PTCHD4: variants seen among roughly 807,000 people sequenced by gnomAD.
PTCHD4 encodes patched domain-containing protein 4.
Under a neutral mutation model 58.1 loss-of-function variants are expected in PTCHD4, and 33 were observed. The ratio of observed to expected loss-of-function variants is 0.57; its 90% CI spans 0.43 to 0.76. The LOEUF (loss-of-function observed/expected upper bound fraction) is 0.76. Ranked by LOEUF, PTCHD4 falls within the 30% of genes least tolerant of loss-of-function variation. The pLI is 0.00. For synonymous variants in PTCHD4, 478 were observed against 409.6 expected, an observed-to-expected ratio of 1.17 and a Z score of -2.02; for missense variants, 1,058 against 1,027.1, an observed-to-expected ratio of 1.03 and a Z score of -0.41.
intron 4 of PTCHD4, among the ~76,000 whole-genome samples, chr6:47,981,754 C>G (rs1267567161): frequency 2.0e-5 from 3 of 152,154 alleles, no homozygotes; most frequent in South Asian, 2.1e-4. Flanking sequence ...GCTTGTTACT[C>G]TATTCTGTGC....
intron 4 of PTCHD4, among the ~76,000 whole-genome samples, chr6:47,934,798 T>A (rs1295281481): frequency 6.6e-6 from 1 of 152,202 alleles, no homozygotes; most frequent in Non-Finnish European, 1.5e-5. Context: ...GAGAAATATT[T>A]GTGAAAATAC....
In PTCHD4 at chr6:48,068,682, C is replaced by G; in HGVS notation, c.6-41G>C. On this transcript the variant is annotated intron_variant, in intron 2 of 4. Coordinates refer to ENST00000339488, the MANE Select transcript of PTCHD4 (RefSeq NM_001384253.1). This position sits in a 1 kb window ranked among gnomAD's most constrained non-coding sequence, Gnocchi z 4.2. ...TGACATGTGTAAGCGCCGGGCTACC[C>G]CGTTCTCCCCCATCCCACCCCCTGG... 1 of 1,501,090 alleles carries G rather than the reference C, an allele frequency of 6.7e-7. No homozygotes were observed. The highest frequency in any genetic ancestry group is 8.9e-7 in the Non-Finnish European group (1 of 1,128,240). The allele number at this position is 1,501,090 out of a possible 1,614,324, so 93.0% of individuals were successfully genotyped here.
intron 1 of PTCHD4, among the ~76,000 whole-genome samples, chr6:48,072,858 A>G (rs1764999800): frequency 6.6e-6 from 1 of 152,144 alleles, no homozygotes. Context: ...TGGGTCTATC[A>G]GTGATTTAAA....
At chr6:48,092,268 G>C (rs966867630) in intron 1 of PTCHD4, among the ~76,000 whole-genome samples, 1 of 152,202 alleles carries the variant, frequency 6.6e-6, no homozygotes, top group Admixed American at 6.5e-5. Flanking sequence ...ATTATCCCTA[G>C]ATGGTGTGGA....
intron 4 of PTCHD4, among the ~76,000 whole-genome samples, chr6:47,977,848 G>T (rs1767751489): frequency 6.6e-6 from 1 of 152,004 alleles, no homozygotes; most frequent in African/African-American, 2.4e-5. Flanking sequence ...AAAGACAAAA[G>T]AAAGTGTAGA....
intron 3 of PTCHD4, among the ~76,000 whole-genome samples, chr6:48,028,817 C>T (rs139363710): frequency 0.011 from 1,699 of 151,986 alleles, 36 homozygotes; most frequent in African/African-American, 0.037. Flanking sequence ...ATAAACTTTC[C>T]AAAAATTAAA....
rs1763402134 is a variant in PTCHD4 at position 47,860,617 on chromosome 6, C to A, written c.*17686G>T. ...ACTGCCCATTCTTCACAATGTCTATCTTCCTTTATGATTTTTTTTCTCTGA... is the reference window on the plus strand; with the variant it reads ...ACTGCCCATTCTTCACAATGTCTATATTCCTTTATGATTTTTTTTCTCTGA... On this transcript the variant is annotated 3_prime_UTR_variant, in exon 5 of 5. Coordinates refer to ENST00000339488, the MANE Select transcript of PTCHD4 (RefSeq NM_001384253.1). Among the ~76,000 whole-genome samples the A allele has an allele frequency of 6.6e-6, 1 of 151,954 alleles. No homozygotes were observed.
At chr6:47,900,140 A>G (rs903446141) in intron 4 of PTCHD4, 7 of 152,190 alleles carry the variant, frequency 4.6e-5, no homozygotes, top group African/African-American at 1.7e-4. Context: ...TCTTGAGTAT[A>G]TACCTAGCAG....
chr6:48,050,367 A>G (rs1173112048), intron 3 of PTCHD4, among the ~76,000 whole-genome samples: 1 of 152,004 alleles, frequency 6.6e-6, no homozygotes, highest in Non-Finnish European at 1.5e-5. Context: ...TTTAATCTTG[A>G]GTTTCCCATG....
chr6:48,105,802 T>G (rs1166643469), intron 1 of PTCHD4, among the ~76,000 whole-genome samples: 1 of 152,020 alleles, frequency 6.6e-6, no homozygotes, highest in Non-Finnish European at 1.5e-5. Flanking sequence ...CAAACTACCA[T>G]CAGAGAATAC....
chr6:48,099,849 T>C (rs1252133359), intron 1 of PTCHD4, among the ~76,000 whole-genome samples: 3 of 152,242 alleles, frequency 2.0e-5, no homozygotes, highest in African/African-American at 7.2e-5. Context: ...TTTAGGTGCA[T>C]GTTTACTATG....
chr6:48,076,835 G>T (rs1056504865), intron 1 of PTCHD4, among the ~76,000 whole-genome samples: 2 of 152,198 alleles, frequency 1.3e-5, no homozygotes, highest in Non-Finnish European at 2.9e-5. Flanking sequence ...AGCAAGATTT[G>T]CTACAGCTCT....
At chr6:48,057,553 C>A (rs1235361036) in intron 3 of PTCHD4, among the ~76,000 whole-genome samples, 2 of 152,156 alleles carry the variant, frequency 1.3e-5, no homozygotes, top group Non-Finnish European at 2.9e-5. Flanking sequence ...CATGAAAATG[C>A]TTTCTACTTC....
At chr6:48,010,660 A>C (rs1351638568) in intron 3 of PTCHD4, among the ~76,000 whole-genome samples, 1 of 152,162 alleles carries the variant, frequency 6.6e-6, no homozygotes, top group Non-Finnish European at 1.5e-5. Context: ...CAGGTTTGTT[A>C]CATAGTTATA....
chr6:47,986,958 T>A (rs1768088489), intron 4 of PTCHD4, among the ~76,000 whole-genome samples: 1 of 152,138 alleles, frequency 6.6e-6, no homozygotes, highest in South Asian at 2.1e-4. Flanking sequence ...ATTTGCTGCA[T>A]CTTGTATTTT....
intron 3 of PTCHD4, among the ~76,000 whole-genome samples, chr6:48,020,541 A>G (rs1763029838): frequency 6.6e-6 from 1 of 152,044 alleles, no homozygotes; most frequent in African/African-American, 2.4e-5. Flanking sequence ...TTTTGCACCA[A>G]ACTAATAATA....
intron 3 of PTCHD4, among the ~76,000 whole-genome samples, chr6:48,038,256 T>G (rs1431235958): frequency 6.6e-6 from 1 of 152,110 alleles, no homozygotes; most frequent in Non-Finnish European, 1.5e-5. Context: ...GAGACTGAGC[T>G]GCCTATGGTG....
intron 3 of PTCHD4, among the ~76,000 whole-genome samples, chr6:48,035,241 GCTCAGA>G (rs1482838059): frequency 2.0e-5 from 3 of 151,944 alleles, no homozygotes; most frequent in Non-Finnish European, 4.4e-5. Context: ...ACATCTAACA[GCTCAGA>G]CTCTATTATT....
intron 4 of PTCHD4, among the ~76,000 whole-genome samples, chr6:47,907,622 A>C (rs1764935288): frequency 6.6e-6 from 1 of 152,200 alleles, no homozygotes; most frequent in Admixed American, 6.5e-5. Flanking sequence ...AAGTCCTGTT[A>C]AAAGTCTGCT....
Sources: allele counts gnomAD v4.1 joint callset (sites outside exome capture counted in the v4.1 genomes callset), GRCh38; gene constraint gnomAD v4.1.1; non-coding constraint Gnocchi (gnomAD v3.1); transcripts MANE v1.5; gene names NCBI Gene and HGNC (gene_info 2026-07-23, HGNC 2026-07-21).